Variants in VSIR observed in about 807,000 individuals in gnomAD.
VSIR encodes the protein V-type immunoglobulin domain-containing suppressor of T-cell activation.
In VSIR, 10 loss-of-function variants were observed where a neutral mutation model predicts 31.0. That is an observed-to-expected ratio of 0.32 (90% confidence interval 0.20 to 0.55). VSIR has a LOEUF of 0.55. Ranked by LOEUF, VSIR falls within the 20% of genes least tolerant of loss-of-function variation. VSIR has a pLI of 0.93. For missense variants in VSIR, 356 were observed against 416.2 expected (o/e 0.86, Z 1.26); for synonymous variants, 179 against 180.1 (o/e 0.99, Z 0.05).
chr10:71,747,793 T>C lies in VSIR; in HGVS notation c.*3460A>G, dbSNP rs1446545343. ...CCCTCTCCCGTGCCCAAGGCAGACA[T>C]GGCTATCTATCTCGGCACTGTCTCA... On this transcript the variant is annotated 3_prime_UTR_variant, in exon 7 of 7. Transcript: ENST00000394957. 6.6e-6 allele frequency: 1 copy of C among 152,268 alleles called. No homozygotes were observed. Among genetic ancestry groups the C allele is most frequent in the Non-Finnish European group, 1.5e-5 (1 of 68,054 alleles). 9.4% of individuals were successfully genotyped at this position (152,268 alleles called of 1,614,324 possible).
At chr10:71,768,202 G>A (rs758208084) in intron 1 of VSIR, among the ~76,000 whole-genome samples, 16 of 152,122 alleles carry the variant, frequency 1.1e-4, no homozygotes, top group African/African-American at 3.1e-4. Flanking sequence ...ATGGAGTCTC[G>A]CTCTGTTGCC....
chr10:71,773,514 C>A lies in VSIR; in HGVS notation c.-75G>T. 12 of 1,430,548 alleles carry A rather than the reference C, an allele frequency of 8.4e-6. No homozygotes were observed. Among genetic ancestry groups the A allele is most frequent in the South Asian group, 1.2e-5 (1 of 80,890 alleles). 88.6% of individuals were successfully genotyped at this position (1,430,548 alleles called of 1,614,324 possible). On this transcript the variant is annotated 5_prime_UTR_variant, in exon 1 of 7. Transcript: ENST00000394957. ...ACGCGGCCGGCGCGGGGAAGCCTCC[C>A]GCGACTGAGTGCGAGCGAGTGAGCG...
In VSIR at chr10:71,752,994, C is replaced by G; in HGVS notation, c.685G>C (p.Glu229Gln). The change falls in exon 5 of 7, where the codon GAG becomes CAG. Residue 229 changes from glutamate to glutamine, a missense_variant. This residue lies in a region of VSIR where 190 missense variants were observed against 185.2 expected (regional missense o/e 1.03). Coordinates refer to ENST00000394957, the MANE Select transcript of VSIR (RefSeq NM_022153.2). ...RQAASNRRAQ[E>Q]LVRMDSNIQG... The stretch of plus-strand genomic sequence containing the variant: ...CCTTACCTGTCCATCCGCACCAGCT[C>G]CTGGGCACCTAGGGACAGACAGACA... 5 of 1,613,024 alleles carry G rather than the reference C, an allele frequency of 3.1e-6. No individual in the cohort carries two copies. The highest frequency in any genetic ancestry group is 2.7e-5 in the African/African-American group (2 of 75,038).
At chr10:71,756,702 TAAACGC>T (rs749127283) in intron 3 of VSIR, among the ~76,000 whole-genome samples, 2 of 152,168 alleles carry the variant, frequency 1.3e-5, no homozygotes, top group Admixed American at 6.6e-5. Context: ...ACAACCAACA[TAAACGC>T]ATTTCCTTCC....
rs1173306003 is a variant in VSIR, at chr10:71,751,548, A to G, written c.898+120T>C. 9.4e-7 allele frequency: 1 copy of G among 1,058,474 alleles called. No individual in the cohort carries two copies. Among genetic ancestry groups the G allele is most frequent in the African/African-American group, 1.6e-5 (1 of 61,454 alleles). 65.6% of individuals were successfully genotyped at this position (1,058,474 alleles called of 1,614,324 possible). On this transcript the variant is annotated intron_variant, in intron 6 of 6. Coordinates refer to ENST00000394957, the MANE Select transcript of VSIR (RefSeq NM_022153.2). This position sits in a 1 kb window ranked among gnomAD's most constrained non-coding sequence, Gnocchi z 4.9. ...GGGGCCCCTCTGTCCCTCACCCTCA[A>G]CCCCACCCCGTGAGGCCGTGGAACT... is the stretch of plus-strand genomic sequence containing the variant.
rs138619811 is a variant in VSIR, at chr10:71,766,381, C to T, written c.83-4355G>A. On this transcript the variant is annotated intron_variant, in intron 1 of 6. Transcript: ENST00000394957. ...CCCGCCCGCCACCCGCCACCTGCCA[C>T]CAGGTAAGGAGGCAGGGCCACCTAG... 7.6e-4 allele frequency among the ~76,000 whole-genome samples: 116 copies of T among 152,280 alleles called. No homozygotes were observed. In the East Asian group the frequency reaches 0.02, roughly 26 times the overall value.
intron 1 of VSIR, among the ~76,000 whole-genome samples, chr10:71,771,423 A>G (rs747410320): frequency 2.6e-4 from 39 of 152,378 alleles, no homozygotes; most frequent in Middle Eastern, 3.4e-3. Context: ...GACCTTGGGC[A>G]ACATACCCAG....
At chr10:71,759,688 T>A (rs1277532358) in intron 3 of VSIR, among the ~76,000 whole-genome samples, 1 of 151,672 alleles carries the variant, frequency 6.6e-6, no homozygotes, top group East Asian at 1.9e-4. Context: ...ACGCCTGTAA[T>A]CTCATCCTAG....
chr10:71,757,607 T>C (rs1243206430), intron 3 of VSIR: 3 of 152,000 alleles, frequency 2.0e-5, no homozygotes, highest in Non-Finnish European at 4.4e-5. Context: ...CCTGGGAAGG[T>C]GATCAGGCGC....
At chr10:71,766,286 G>A (rs12360092) in intron 1 of VSIR, among the ~76,000 whole-genome samples, 21,048 of 152,158 alleles carry the variant, frequency 0.14, 2,425 homozygotes, top group African/African-American at 0.32. Flanking sequence ...AAAATGACCC[G>A]GGGCCTGGGC....
chr10:71,770,114 A>C (rs189853234), intron 1 of VSIR, among the ~76,000 whole-genome samples: 2 of 152,352 alleles, frequency 1.3e-5, no homozygotes, highest in Non-Finnish European at 2.9e-5. Context: ...ATGCCTTCCC[A>C]GGCCCTGGGC....
In VSIR at chr10:71,772,646, A is replaced by G. The variant is rs184014554; in HGVS notation, c.82+712T>C. Among the ~76,000 whole-genome samples, 320 of 152,298 alleles carry G rather than the reference A, an allele frequency of 2.1e-3. 1 individual carries two copies. The highest frequency in any genetic ancestry group is 7.0e-3 in the African/African-American group (290 of 41,562). ...AAACTGAGGCCAGAGAGATGCCGTA[A>G]TTTATCCAGGGACCCAGAAGGGGCT... On this transcript the variant is annotated intron_variant, in intron 1 of 6. Transcript: ENST00000394957.
At chr10:71,764,740 G>A (rs1306439341) in intron 1 of VSIR, among the ~76,000 whole-genome samples, 1 of 152,182 alleles carries the variant, frequency 6.6e-6, no homozygotes, top group African/African-American at 2.4e-5. Context: ...GGACATTTGA[G>A]TTTGTGATGA....
rs370678491 is a variant in VSIR, at chr10:71,761,889, G to A, written c.220C>T (p.Arg74Cys). 16 of 1,613,972 alleles carry A rather than the reference G, an allele frequency of 9.9e-6. No homozygotes were observed. The highest frequency in any genetic ancestry group is 3.3e-5 in the Admixed American group (2 of 60,006). Residue 74 changes from arginine (R) to cysteine (C), a missense_variant, in exon 2 of 7, where the codon CGC (arginine) becomes TGC (cysteine). Physicochemically the swap from Arg to Cys is radical, Grantham distance 180. Around this residue, in one of 2 missense-constraint regions of VSIR, gnomAD observed 166 missense variants for 231.0 expected, o/e 0.72. Transcript: ENST00000394957. ...GTCTGCACCTCGCCCCTCGAGCTGCGGTACCACGTCTTGTAGAAGGTCACA... is the reference window on the plus strand; with the variant it reads ...GTCTGCACCTCGCCCCTCGAGCTGCAGTACCACGTCTTGTAGAAGGTCACA... ...HDVTFYKTWYRSSRGEVQTCS... is the reference protein window; with the variant it reads ...HDVTFYKTWYCSSRGEVQTCS...
chr10:71,760,974 C>T (rs1467750360), intron 2 of VSIR, 50 bp from the exon 3 acceptor site: 1 of 1,583,298 alleles, frequency 6.3e-7, no homozygotes, highest in South Asian at 1.1e-5. Flanking sequence ...GCCCAGGAGG[C>T]CAGGGAGGCT....
At chr10:71,765,497 T>A (rs549153030) in intron 1 of VSIR, among the ~76,000 whole-genome samples, 6 of 152,218 alleles carry the variant, frequency 3.9e-5, no homozygotes, top group Admixed American at 1.3e-4. Flanking sequence ...GGCCTGAGTG[T>A]CCCTGTGAAC....
chr10:71,751,319 G>A lies in VSIR; in HGVS notation c.899-29C>T, dbSNP rs930671682. 17 of 1,604,564 alleles carry A rather than the reference G, an allele frequency of 1.1e-5. No individual in the cohort carries two copies. The highest frequency in any genetic ancestry group is 4.5e-5 in the East Asian group (2 of 44,610). ...CAAGAAAAGGAGAAGCAAAGTGAAC[G>A]GGGCCCCTCTGCCCCTCACCCTCAA... On this transcript the variant is annotated intron_variant, in intron 6 of 6. Coordinates refer to ENST00000394957, the MANE Select transcript of VSIR (RefSeq NM_022153.2). The surrounding 1 kb of genome is among the most constrained non-coding windows in gnomAD (Gnocchi z 4.9).
rs200189378 is a variant in VSIR, at chr10:71,760,848, G to C, written c.568+20C>G. On this transcript the variant is annotated intron_variant, in intron 3 of 6. Transcript: ENST00000394957. ...GAAGAAAACAGAGAACCCAAAAGGG[G>C]CAAGAGGTTGGTCCCTTACTTTCAC... is the stretch of plus-strand genomic sequence containing the variant. The C allele has an allele frequency of 1.9e-6, 3 of 1,608,038 alleles. No homozygotes were observed. In the African/African-American group the frequency reaches 4.0e-5, roughly 21 times the overall value.
Position 71,755,209 on chromosome 10 carries a change from A to T in VSIR, c.676+150T>A. ...CTCCTTTCTCTCGGCCATTTCGCCC[A>T]GCTCCTGGCGGGAAGTGCAGCTGCT... On this transcript the variant is annotated intron_variant, in intron 4 of 6. Transcript: ENST00000394957. The T allele has an allele frequency of 3.8e-6, 3 of 799,598 alleles. No individual in the cohort carries two copies. The South Asian group carries it at 4.6e-5, about 12-fold the overall frequency. The allele number at this position is 799,598 out of a possible 1,614,324, so 49.5% of individuals were successfully genotyped here.
Sources: allele counts gnomAD v4.1 joint callset (sites outside exome capture counted in the v4.1 genomes callset), GRCh38; gene constraint gnomAD v4.1.1; regional missense constraint gnomAD v4.1.1; non-coding constraint Gnocchi (gnomAD v3.1); transcripts MANE v1.5; gene names NCBI Gene and HGNC (gene_info 2026-07-23, HGNC 2026-07-21).